The following UBE2E1 variants were observed in gnomAD, a reference collection of about 807,000 sequenced individuals.
UBE2E1 encodes ubiquitin conjugating enzyme E2 E1.
A neutral mutation model predicts 21.4 loss-of-function variants in UBE2E1; 6 were observed. The observed-to-expected ratio is 0.28, with a 90% CI of 0.15 to 0.55. The LOEUF (loss-of-function observed/expected upper bound fraction) is 0.55, where lower values mean the gene tolerates loss of function less well. Among genes scored for constraint, UBE2E1 ranks in the 20% least tolerant of loss-of-function variants. The probability of loss-of-function intolerance (pLI) is 0.93; values close to 1 mark genes in which losing one functional copy is unlikely to be tolerated. For synonymous variants in UBE2E1, 87 were observed against 82.7 expected, an observed-to-expected ratio of 1.05 and a Z score of -0.28; for missense variants, 142 against 236.5, an observed-to-expected ratio of 0.60 and a Z score of 2.62.
At chr3:23,890,059 C>T (rs867778778) in intron 5 of UBE2E1, among the ~76,000 whole-genome samples, 1 of 152,054 alleles carries the variant, frequency 6.6e-6, no homozygotes, top group African/African-American at 2.4e-5. Flanking sequence ...CTTTAACCAG[C>T]GTAAAGGTTA....
intron 3 of UBE2E1, among the ~76,000 whole-genome samples, chr3:23,881,103 T>C (rs1395964008): frequency 6.6e-6 from 1 of 152,224 alleles, no homozygotes; most frequent in Non-Finnish European, 1.5e-5. Flanking sequence ...GTTTATTCAA[T>C]GGAGAGTTTC....
At position 23,887,941 on chromosome 3, in the gene UBE2E1, T is replaced by G. The variant is rs916741363; in HGVS notation, c.336+242T>G. Among the ~76,000 whole-genome samples, 8 of 152,246 alleles carry G rather than the reference T, an allele frequency of 5.3e-5. No individual in the cohort carries two copies. Among genetic ancestry groups the G allele is most frequent in the Admixed American group, 2.6e-4 (4 of 15,288 alleles). On this transcript the variant is annotated intron_variant, in intron 4 of 5. Coordinates refer to ENST00000306627, the MANE Select transcript of UBE2E1 (RefSeq NM_003341.5). The surrounding 1 kb of genome is among the most constrained non-coding windows in gnomAD (Gnocchi z 4.4). ...AAAATTGTGCTATTTATAGTAATATTGTCAGCAACCTAGAATTAATCCCCT... is the reference window on the plus strand; with the variant it reads ...AAAATTGTGCTATTTATAGTAATATGGTCAGCAACCTAGAATTAATCCCCT...
chr3:23,875,403 G>A (rs1158867264), intron 3 of UBE2E1, among the ~76,000 whole-genome samples: 1 of 152,172 alleles, frequency 6.6e-6, no homozygotes, highest in East Asian at 1.9e-4. Flanking sequence ...ACAAAAGATT[G>A]TATCCAAATG....
At chr3:23,846,331 A>G (rs1700202419) in intron 3 of UBE2E1, among the ~76,000 whole-genome samples, 1 of 151,930 alleles carries the variant, frequency 6.6e-6, no homozygotes, top group African/African-American at 2.4e-5. Context: ...GGGAGGCTTG[A>G]GGTAGGAGGA....
chr3:23,888,526 C>T (rs1701251782), intron 4 of UBE2E1, among the ~76,000 whole-genome samples: 1 of 152,104 alleles, frequency 6.6e-6, no homozygotes, highest in African/African-American at 2.4e-5. Context: ...TGGTCCTTGC[C>T]CATTACTGGC....
chr3:23,877,785 GCTTT>G lies in UBE2E1; in HGVS notation c.204-9779_204-9776del, dbSNP rs372766885. ...TAATAAGCAGTCCGTGCCACATCTG[GCTTT>G]CTGAGGATGATGATAAAGCTTATTC... On this transcript the variant is annotated intron_variant, in intron 3 of 5. Coordinates refer to ENST00000306627, the MANE Select transcript of UBE2E1 (RefSeq NM_003341.5). Among the ~76,000 whole-genome samples, 7 of 152,236 alleles carry G rather than the reference GCTTT, an allele frequency of 4.6e-5. 1 individual carries two copies. Among genetic ancestry groups the G allele is most frequent in the African/African-American group, 1.7e-4 (7 of 41,552 alleles).
In UBE2E1 at chr3:23,807,248, G is replaced by C. The variant is rs200711549; in HGVS notation, c.-22G>C. The stretch of plus-strand genomic sequence containing the variant: ...CTCTCCCCCTGCAGGGGCTGTTTGC[G>C]GGGTGGGGTGGGGGGTTCGCTATGT... On this transcript the variant is annotated 5_prime_UTR_variant, in exon 2 of 6. Coordinates refer to ENST00000306627, the MANE Select transcript of UBE2E1 (RefSeq NM_003341.5). 2.6e-5 allele frequency: 41 copies of C among 1,602,710 alleles called. No homozygotes were observed. The highest frequency in any genetic ancestry group is 2.0e-4 in the East Asian group (9 of 44,748).
chr3:23,848,601 G>GA (rs911295573), intron 3 of UBE2E1, among the ~76,000 whole-genome samples: 15 of 150,966 alleles, frequency 9.9e-5, no homozygotes, highest in Middle Eastern at 3.5e-3. Context: ...CACAATTTTA[G>GA]AAAAAAAAAT....
chr3:23,807,248 G>A lies in UBE2E1; in HGVS notation c.-22G>A, dbSNP rs200711549. On this transcript the variant is annotated 5_prime_UTR_variant, in exon 2 of 6. Transcript: ENST00000306627. ...CTCTCCCCCTGCAGGGGCTGTTTGC[G>A]GGGTGGGGTGGGGGGTTCGCTATGT... is the stretch of plus-strand genomic sequence containing the variant. The A allele has an allele frequency of 6.2e-7, 1 of 1,602,710 alleles. No homozygotes were observed. Among genetic ancestry groups the A allele is most frequent in the Non-Finnish European group, 8.5e-7 (1 of 1,176,122 alleles).
At chr3:23,818,968 A>G (rs1699585733) in intron 3 of UBE2E1, among the ~76,000 whole-genome samples, 1 of 152,146 alleles carries the variant, frequency 6.6e-6, no homozygotes. Flanking sequence ...GGAAGAAGCA[A>G]ATATAGAGAG....
At chr3:23,889,546 T>C in intron 5 of UBE2E1, 1 of 1,384,862 alleles carries the variant, frequency 7.2e-7, no homozygotes, top group Non-Finnish European at 9.3e-7. Flanking sequence ...TTCCTGTTGC[T>C]TAATTTCCCA....
At chr3:23,854,243 CAAAA>C (rs754330255) in intron 3 of UBE2E1, among the ~76,000 whole-genome samples, 2 of 55,676 alleles carry the variant, frequency 3.6e-5, no homozygotes, top group Admixed American at 1.8e-4. Flanking sequence ...GACTCAGTCT[CAAAA>C]AAAAAAAAAA....
chr3:23,809,110 G>C (rs770684930), intron 2 of UBE2E1, among the ~76,000 whole-genome samples: 4 of 152,174 alleles, frequency 2.6e-5, no homozygotes, highest in Non-Finnish European at 5.9e-5. Flanking sequence ...GTAGAAAAAT[G>C]AAAGGTGGGA....
chr3:23,862,247 TCTCTG>T (rs747986297), intron 3 of UBE2E1, among the ~76,000 whole-genome samples: 4 of 152,216 alleles, frequency 2.6e-5, no homozygotes. Flanking sequence ...TGTAAGGTCC[TCTCTG>T]CTCTGGTCTC....
intron 3 of UBE2E1, among the ~76,000 whole-genome samples, chr3:23,885,806 G>A (rs754808809): frequency 6.6e-6 from 1 of 152,204 alleles, no homozygotes. Flanking sequence ...GTTGCATTGA[G>A]CCGAGATCGT....
intron 3 of UBE2E1, among the ~76,000 whole-genome samples, chr3:23,886,045 G>C (rs1000620981): frequency 2.6e-5 from 4 of 151,876 alleles, no homozygotes; most frequent in Non-Finnish European, 4.4e-5. Flanking sequence ...AAATTAAATA[G>C]AAAACATTAG....
intron 3 of UBE2E1, among the ~76,000 whole-genome samples, chr3:23,818,499 CAGG>C (rs773705130): frequency 6.6e-6 from 1 of 152,174 alleles, no homozygotes; most frequent in Non-Finnish European, 1.5e-5. Context: ...TTCACAGCTA[CAGG>C]AGATGTTAAA....
intron 3 of UBE2E1, among the ~76,000 whole-genome samples, chr3:23,861,350 G>A (rs1013645494): frequency 2.6e-5 from 4 of 152,164 alleles, no homozygotes; most frequent in African/African-American, 9.7e-5. Flanking sequence ...TGTTTTCAGT[G>A]TTTGGAGTTA....
chr3:23,845,583 C>CTGTGTGTGTGTG (rs768414328), intron 3 of UBE2E1, among the ~76,000 whole-genome samples: 184 of 48,830 alleles, frequency 3.8e-3, no homozygotes, highest in East Asian at 8.0e-3. Flanking sequence ...CTCTCTCTCT[C>CTGTGTGTGTGTG]TCTCTCTGTG....
Sources: gnomAD v4.1 joint callset for allele counts (sites outside exome capture counted in the v4.1 genomes callset) on GRCh38, gnomAD v4.1.1 for gene constraint, Gnocchi (gnomAD v3.1) non-coding constraint, MANE v1.5 for transcripts, NCBI Gene and HGNC (gene_info 2026-07-23, HGNC 2026-07-21) for gene names.